The following TMPRSS11B variants were observed in gnomAD, a reference collection of about 807,000 sequenced individuals.
The protein encoded by TMPRSS11B is transmembrane protease serine 11B.
TMPRSS11B carries 53 observed loss-of-function variants against 44.7 expected under a neutral mutation model. The ratio of observed to expected loss-of-function variants is 1.19; its 90% confidence interval spans 0.95 to 1.49. The LOEUF (loss-of-function observed/expected upper bound fraction) is 1.49. Ranked by LOEUF, TMPRSS11B falls within the 40% of genes most tolerant of loss-of-function variation. TMPRSS11B has a pLI of 0.00. For synonymous variants in TMPRSS11B, 140 were observed against 159.2 expected (o/e 0.88, Z 0.91); for missense variants, 526 against 494.8 (o/e 1.06, Z -0.60).
rs760687308 is a variant in TMPRSS11B, at chr4:68,232,428, A to G, written c.470-12T>C. The G allele has an allele frequency of 6.2e-7, 1 of 1,609,508 alleles. No individual in the cohort carries two copies. The highest frequency in any genetic ancestry group is 8.5e-7 in the Non-Finnish European group (1 of 1,177,842). On this transcript the variant is annotated splice_polypyrimidine_tract_variant and intron_variant, in intron 5 of 9. Transcript: ENST00000332644. ...AGCCTTGCTGATTTCTGAAAGTGAA[A>G]AACAAAACAAAATATAAAATTGAGC...
chr4:68,245,521 A>G (rs765319069), intron 1 of TMPRSS11B, 30 bp downstream of exon 1: 20 of 1,612,852 alleles, frequency 1.2e-5, no homozygotes, highest in South Asian at 2.2e-5. Context: ...CATTTTGCCA[A>G]CTTGCTCTCC....
Position 68,234,524 on chromosome 4 carries a change from A to T in TMPRSS11B, c.408T>A (p.His136Gln), listed in dbSNP as rs1719607824. 1.2e-6 allele frequency: 2 copies of T among 1,613,956 alleles called. No homozygotes were observed. The highest frequency in any genetic ancestry group is 1.1e-5 in the South Asian group (1 of 91,074). Residue 136 changes from histidine (H) to glutamine (Q), a missense_variant, in exon 5 of 10, where the codon CAT becomes CAA. By Grantham distance (24) the His-to-Gln change is conservative (BLOSUM62 0). Coordinates refer to ENST00000332644, the MANE Select transcript of TMPRSS11B (RefSeq NM_182502.3). ...SMRTKIKAKL[H>Q]QMLKNNMASW... Reference sequence around the variant, plus strand: ...ATGCCATGTTGTTTTTCAACATCTGATGTAATTTAGCCTTGATTTTAGTCC... The same window carrying T: ...ATGCCATGTTGTTTTTCAACATCTGTTGTAATTTAGCCTTGATTTTAGTCC...
rs1212893320 is a variant in TMPRSS11B at position 68,245,620 on chromosome 4, C to T, written c.-62G>A. ...GTGGTAATGATGATGACGAAGATAA[C>T]GATAACGATGACAATGCTGGTAATA... is the stretch of plus-strand genomic sequence containing the variant. On this transcript the variant is annotated 5_prime_UTR_variant, in exon 1 of 10. Coordinates refer to ENST00000332644, the MANE Select transcript of TMPRSS11B (RefSeq NM_182502.3). The T allele has an allele frequency of 4.4e-5, 70 of 1,584,092 alleles. No homozygotes were observed. In the East Asian group the frequency reaches 7.6e-4, roughly 17 times the overall value.
intron 1 of TMPRSS11B, among the ~76,000 whole-genome samples, chr4:68,243,955 A>C (rs1054974176): frequency 3.3e-5 from 5 of 152,262 alleles, no homozygotes; most frequent in South Asian, 2.1e-4. Flanking sequence ...TCCTCCTCAC[A>C]TGGCTTTCTC....
chr4:68,241,803 G>C lies in TMPRSS11B; in HGVS notation c.10C>G (p.His4Asp). 1.2e-6 allele frequency: 2 copies of C among 1,607,948 alleles called. No homozygotes were observed. Among genetic ancestry groups the C allele is most frequent in the Non-Finnish European group, 1.7e-6 (2 of 1,175,212 alleles). ...CAAGATCTTTGGGAAGATATGCCGTGCCTATGAAAGAGGAAAATTTTGGTT... is the reference window on the plus strand; with the variant it reads ...CAAGATCTTTGGGAAGATATGCCGTCCCTATGAAAGAGGAAAATTTTGGTT... MYR[H>D]GISSQRSWPL... Residue 4 changes from histidine to aspartate, a missense_variant and splice_region_variant, in exon 2 of 10, where the codon CAC (histidine) becomes GAC (aspartate). Coordinates refer to ENST00000332644, the MANE Select transcript of TMPRSS11B (RefSeq NM_182502.3).
rs1256762609 is a variant in TMPRSS11B at position 68,245,627 on chromosome 4, G to C, written c.-69C>G. ...TGATGATGACGAAGATAACGATAAC[G>C]ATGACAATGCTGGTAATAGTGATGA... On this transcript the variant is annotated 5_prime_UTR_variant, in exon 1 of 10. In the 5' UTR this introduces an upstream ATG that the reference lacks. Transcript: ENST00000332644. 2 of 1,562,062 alleles carry C rather than the reference G, an allele frequency of 1.3e-6. No homozygotes were observed. Among genetic ancestry groups the C allele is most frequent in the Non-Finnish European group, 1.8e-6 (2 of 1,133,764 alleles).
intron 9 of TMPRSS11B, among the ~76,000 whole-genome samples, chr4:68,228,432 A>G (rs919925620): frequency 6.6e-6 from 1 of 152,208 alleles, no homozygotes; most frequent in Non-Finnish European, 1.5e-5. Flanking sequence ...CTGGATAAAG[A>G]GAAGACAACA....
chr4:68,234,729 A>G (rs568149237), intron 4 of TMPRSS11B, 106 bp from the exon 5 acceptor site: 2 of 1,208,840 alleles, frequency 1.7e-6, no homozygotes, highest in Admixed American at 5.3e-5. Context: ...CTTTACATAT[A>G]TTAAAGAAAA....
chr4:68,239,653 AG>A (rs909042652), intron 2 of TMPRSS11B, among the ~76,000 whole-genome samples: 2 of 152,140 alleles, frequency 1.3e-5, no homozygotes, highest in Non-Finnish European at 2.9e-5. Context: ...TCCATTTCAA[AG>A]TTTATCAAGT....
chr4:68,234,996 A>G (rs906146076), intron 4 of TMPRSS11B, among the ~76,000 whole-genome samples: 1 of 152,320 alleles, frequency 6.6e-6, no homozygotes, highest in South Asian at 2.1e-4. Flanking sequence ...TAAATGAGAA[A>G]ATAAAGATAG....
intron 2 of TMPRSS11B, among the ~76,000 whole-genome samples, chr4:68,240,842 A>G (rs928575091): frequency 3.3e-5 from 5 of 152,274 alleles, no homozygotes; most frequent in Non-Finnish European, 5.9e-5. Context: ...AAATTTGTCT[A>G]CATTGTATTA....
rs1719655109 is a variant in TMPRSS11B, at chr4:68,236,052, T to A, written c.258A>T (p.Gln86His). 1 of 1,593,000 alleles carries A rather than the reference T, an allele frequency of 6.3e-7. No individual in the cohort carries two copies. The highest frequency in any genetic ancestry group is 1.7e-5 in the Admixed American group (1 of 57,826). The change falls in exon 4 of 10, where the codon CAA becomes CAT. Residue 86 changes from glutamine to histidine, a missense_variant. Gln to His is a conservative substitution (Grantham distance 24, BLOSUM62 0). Transcript: ENST00000332644. ...CATATTCCTTATATATACTGGAATT[T>A]TGAAATGCATTTAACATCTGACAAG... is the stretch of plus-strand genomic sequence containing the variant. ...DIETKMLNAF[Q>H]NSSIYKEYVK...
chr4:68,232,748 G>A (rs1384131811), intron 5 of TMPRSS11B, among the ~76,000 whole-genome samples: 1 of 152,164 alleles, frequency 6.6e-6, no homozygotes, highest in East Asian at 1.9e-4. Context: ...CAGGGTACAT[G>A]TGCACAACGT....
intron 6 of TMPRSS11B, 102 bp from the exon 7 acceptor site, chr4:68,231,482 A>T: frequency 9.3e-7 from 1 of 1,071,886 alleles, no homozygotes; most frequent in Non-Finnish European, 1.3e-6. Context: ...TGATTATTCA[A>T]CTTCTCCTAA....
At chr4:68,237,430 A>T (rs891388380) in intron 2 of TMPRSS11B, among the ~76,000 whole-genome samples, 2 of 152,092 alleles carry the variant, frequency 1.3e-5, no homozygotes, top group African/African-American at 4.8e-5. Flanking sequence ...GTAGAATGAT[A>T]ATGATTTATC....
chr4:68,238,300 AGTCT>A (rs546449896), intron 2 of TMPRSS11B, among the ~76,000 whole-genome samples: 117 of 152,280 alleles, frequency 7.7e-4, no homozygotes, highest in African/African-American at 2.6e-3. Flanking sequence ...CCAATGCCAA[AGTCT>A]GTCTGAGAAG....
In TMPRSS11B at chr4:68,229,380, G is replaced by T; in HGVS notation, c.823C>A (p.Gln275Lys). 6.2e-7 allele frequency: 1 copy of T among 1,614,070 alleles called. No individual in the cohort carries two copies. Among genetic ancestry groups the T allele is most frequent in the Non-Finnish European group, 8.5e-7 (1 of 1,179,978 alleles). Residue 275 changes from glutamine to lysine, a missense_variant, in exon 8 of 10, where the codon CAG (glutamine) becomes AAG (lysine). Coordinates refer to ENST00000332644, the MANE Select transcript of TMPRSS11B (RefSeq NM_182502.3). ...PGLHDDIALVQLAEEVSFTEY... is the reference protein window; with the variant it reads ...PGLHDDIALVKLAEEVSFTEY... ...GTAAAAGAAACTTCTTCAGCAAGCT[G>T]CACAAGGGCAATATCATCATGAAGC...
rs147543296 is a variant in TMPRSS11B at position 68,229,267 on chromosome 4, A to T, written c.936T>A (p.Leu312=). The change falls in exon 8 of 10, where the codon CTT becomes CTA. Residue 312 remains leucine, a synonymous_variant. Coordinates refer to ENST00000332644, the MANE Select transcript of TMPRSS11B (RefSeq NM_182502.3). ...TACAAAAAAACTTACCATTCATATA[A>T]AGTGTTCCCCAACCTGTAACTACAA... is the stretch of plus-strand genomic sequence containing the variant. The part of the protein sequence containing the change: ...DNVVVTGWGT[L]YMNGSFPVIL... 1.2e-6 allele frequency: 2 copies of T among 1,600,804 alleles called. No individual in the cohort carries two copies. The highest frequency in any genetic ancestry group is 1.7e-6 in the Non-Finnish European group (2 of 1,173,890).
chr4:68,242,220 T>TAATATTATATA (rs1241544951), intron 1 of TMPRSS11B, among the ~76,000 whole-genome samples: 134 of 6,088 alleles, frequency 0.022, 5 homozygotes, highest in African/African-American at 0.04. Flanking sequence ...ATATATAATA[T>TAATATTATATA]TATATTATAT....
Sources: allele counts gnomAD v4.1 joint callset (sites outside exome capture counted in the v4.1 genomes callset), GRCh38; gene constraint gnomAD v4.1.1; transcripts MANE v1.5; gene names NCBI Gene and HGNC (gene_info 2026-07-23, HGNC 2026-07-21).